The following LSM14A variants were observed in gnomAD, a reference collection of about 807,000 sequenced individuals.
LSM14A encodes protein LSM14 homolog A.
In LSM14A, 14 loss-of-function variants were observed where a neutral mutation model predicts 52.4. The ratio of observed to expected loss-of-function variants is 0.27; its 90% CI spans 0.18 to 0.42. LSM14A has a LOEUF of 0.42. LSM14A is among the 10% of genes least tolerant of loss of function. The probability of loss-of-function intolerance (pLI) is 1.00; values close to 1 mark genes in which losing one functional copy is unlikely to be tolerated. For synonymous variants in LSM14A, 185 were observed against 200.3 expected (o/e 0.92, Z 0.64); for missense variants, 417 against 581.8 (o/e 0.72, Z 2.91).
At chr19:34,189,727 GTTTAT>G (rs2070208650) in intron 1 of LSM14A, among the ~76,000 whole-genome samples, 1 of 152,208 alleles carries the variant, frequency 6.6e-6, no homozygotes, top group African/African-American at 2.4e-5. Flanking sequence ...GAGGAACAGG[GTTTAT>G]GGGAAAACTA....
intron 2 of LSM14A, among the ~76,000 whole-genome samples, chr19:34,195,702 G>T (rs1426676316): frequency 1.3e-5 from 2 of 152,216 alleles, no homozygotes; most frequent in African/African-American, 4.8e-5. Flanking sequence ...GGAGAAGGAA[G>T]AGACACATTC....
In LSM14A at chr19:34,192,316, G is replaced by GTTTTTTTTTTTTTTTTTTTT. The variant is rs1306000214; in HGVS notation, c.122-2160_122-2159insTTTTTTTTTTTTTTTTTTTT. Among the ~76,000 whole-genome samples the GTTTTTTTTTTTTTTTTTTTT allele has an allele frequency of 4.9e-4, 32 of 65,760 alleles. 3 individuals are homozygous for GTTTTTTTTTTTTTTTTTTTT. Among genetic ancestry groups the GTTTTTTTTTTTTTTTTTTTT allele is most frequent in the African/African-American group, 6.3e-4 (11 of 17,402 alleles). The allele number at this position is 65,760 out of a possible 152,430, so 43.1% of individuals were successfully genotyped here. A position where few individuals can be genotyped will look rare whatever the true frequency, so the allele number is the denominator to read the frequency against. On this transcript the variant is annotated intron_variant, in intron 1 of 9. Transcript: ENST00000544216. Reference sequence around the variant, plus strand: ...TTTACACTGAAATAACATTCTTTTTGTTGTTTTTTTTTTTTTTTTTTTTTT... The same window carrying GTTTTTTTTTTTTTTTTTTTT: ...TTTACACTGAAATAACATTCTTTTTGTTTTTTTTTTTTTTTTTTTTTTGTTTTTTTTTTTTTTTTTTTTTT...
intron 1 of LSM14A, among the ~76,000 whole-genome samples, chr19:34,193,311 C>T (rs1025982849): frequency 2.0e-5 from 3 of 148,430 alleles, no homozygotes; most frequent in Non-Finnish European, 4.5e-5. Flanking sequence ...ACTACCACAC[C>T]TGGCTAATTT....
chr19:34,218,844 G>A (rs1192473184), intron 6 of LSM14A, among the ~76,000 whole-genome samples: 1 of 152,162 alleles, frequency 6.6e-6, no homozygotes, highest in Non-Finnish European at 1.5e-5. Context: ...GAAGTGTTTT[G>A]AGTCAGTAAG....
chr19:34,226,430 A>G (rs375446432), intron 9 of LSM14A: 5 of 1,504,452 alleles, frequency 3.3e-6, no homozygotes, highest in East Asian at 2.5e-5. Context: ...TTTGGACCCT[A>G]AAAGGTCTGG....
At chr19:34,176,465 A>G (rs536418351) in intron 1 of LSM14A, among the ~76,000 whole-genome samples, 3 of 152,186 alleles carry the variant, frequency 2.0e-5, no homozygotes, top group African/African-American at 7.2e-5. Flanking sequence ...CATCACAACT[A>G]TCACCATCTT....
chr19:34,179,529 A>G (rs2069322303), intron 1 of LSM14A, among the ~76,000 whole-genome samples: 1 of 152,182 alleles, frequency 6.6e-6, no homozygotes, highest in African/African-American at 2.4e-5. Flanking sequence ...CCTTGGAAAC[A>G]GTTTATTATT....
chr19:34,208,889 T>G, intron 3 of LSM14A, 40 bp from the exon 4 acceptor site: 2 of 1,451,384 alleles, frequency 1.4e-6, no homozygotes, highest in Non-Finnish European at 1.9e-6. Flanking sequence ...TGTCAAACAT[T>G]TTTTAAAATT....
intron 9 of LSM14A, 25 bp from the exon 10 acceptor site, chr19:34,227,340 A>G: frequency 1.3e-6 from 2 of 1,547,014 alleles, no homozygotes; most frequent in Non-Finnish European, 1.8e-6. Context: ...TTGGAACATG[A>G]GCTAAATTTT....
chr19:34,192,310 C>CTTTTTTTTTTTTTTTTTTTTTTTTTTT (rs1568479681), intron 1 of LSM14A, among the ~76,000 whole-genome samples: 2 of 51,664 alleles, frequency 3.9e-5, no homozygotes, highest in African/African-American at 7.1e-5. Flanking sequence ...AAATAACATT[C>CTTTTTTTTTTTTTTTTTTTTTTTTTTT]TTTTTGTTGT....
intron 6 of LSM14A, among the ~76,000 whole-genome samples, chr19:34,217,616 CG>C (rs1287973694): frequency 0.011 from 89 of 8,268 alleles, 4 homozygotes; most frequent in African/African-American, 0.019. Context: ...CCCCCCCCCC[CG>C]TGTTTTTTTT....
intron 3 of LSM14A, among the ~76,000 whole-genome samples, chr19:34,206,547 C>T (rs560484478): frequency 3.4e-5 from 5 of 148,994 alleles, no homozygotes; most frequent in South Asian, 2.1e-4. Flanking sequence ...TGGTGGCGCG[C>T]GCCTGTAGTC....
At chr19:34,195,067 A>G (rs1382811361) in intron 2 of LSM14A, among the ~76,000 whole-genome samples, 1 of 152,096 alleles carries the variant, frequency 6.6e-6, no homozygotes, top group Admixed American at 6.6e-5. Flanking sequence ...TATGGTTTAT[A>G]TTGCAAACCA....
intron 1 of LSM14A, 69 bp downstream of exon 1, chr19:34,172,832 C>T (rs1001964763): frequency 6.8e-7 from 1 of 1,468,916 alleles, no homozygotes; most frequent in Non-Finnish European, 9.0e-7. Flanking sequence ...CCGCTCCGGC[C>T]CGCGGCCTCC....
intron 2 of LSM14A, 94 bp from the exon 3 acceptor site, chr19:34,196,540 A>T: frequency 8.1e-7 from 1 of 1,229,410 alleles, no homozygotes; most frequent in Non-Finnish European, 1.1e-6. Flanking sequence ...GTTATAATTT[A>T]ATAGTTTTCT....
intron 1 of LSM14A, among the ~76,000 whole-genome samples, chr19:34,181,541 C>T (rs2069482378): frequency 6.6e-6 from 1 of 152,172 alleles, no homozygotes; most frequent in South Asian, 2.1e-4. Flanking sequence ...TTACGTGGTA[C>T]AGTTAGTCTG....
At chr19:34,223,405 C>G (rs1386690481) in intron 9 of LSM14A, among the ~76,000 whole-genome samples, 5 of 152,132 alleles carry the variant, frequency 3.3e-5, no homozygotes, top group African/African-American at 1.2e-4. Flanking sequence ...TTTTGTAAGC[C>G]TGTCCTGGAC....
In LSM14A at chr19:34,214,322, T is replaced by G. The variant is rs1030885024; in HGVS notation, c.539-802T>G. ...TTTATTTATTTATTTATTTATTTAT[T>G]TATTTATGAGACAGGGCCTTGCTCT... On this transcript the variant is annotated intron_variant, in intron 4 of 9. Transcript: ENST00000544216. 3.3e-5 allele frequency among the ~76,000 whole-genome samples: 5 copies of G among 151,530 alleles called. No homozygotes were observed. The East Asian group carries it at 9.7e-4, about 29-fold the overall frequency.
At chr19:34,206,934 C>A (rs189104748) in intron 3 of LSM14A, among the ~76,000 whole-genome samples, 1 of 152,112 alleles carries the variant, frequency 6.6e-6, no homozygotes, top group Non-Finnish European at 1.5e-5. Context: ...TAACTTACCA[C>A]GTTAACAGAC....
Sources: gnomAD v4.1 joint callset for allele counts (sites outside exome capture counted in the v4.1 genomes callset) on GRCh38, gnomAD v4.1.1 for gene constraint, MANE v1.5 for transcripts, NCBI Gene and HGNC (gene_info 2026-07-23, HGNC 2026-07-21) for gene names.